SATB1: variants seen among roughly 807,000 people sequenced by gnomAD.
The protein encoded by SATB1 is SATB homeobox 1, also known as DNA-binding protein SATB1.
SATB1 carries 11 observed loss-of-function variants against 86.9 expected under a neutral mutation model. That is an observed-to-expected ratio of 0.13 (90% CI 0.08 to 0.21). The LOEUF (loss-of-function observed/expected upper bound fraction) is 0.21, where lower values mean the gene tolerates loss of function less well. SATB1 is among the 10% of genes least tolerant of loss of function. The pLI is 1.00. For synonymous variants in SATB1, 357 were observed against 357.2 expected, an observed-to-expected ratio of 1.00 and a Z score of 0.01; for missense variants, 551 against 937.6, an observed-to-expected ratio of 0.59 and a Z score of 5.39.
At position 18,444,896 on chromosome 3, in the gene SATB1, G is replaced by T. The variant is rs1699341684; in HGVS notation, c.-25+622C>A. The T allele has an allele frequency of 8.2e-6, 1 of 121,768 alleles. No individual in the cohort carries two copies. Among genetic ancestry groups the T allele is most frequent in the African/African-American group, 3.0e-5 (1 of 33,058 alleles). 7.5% of individuals were successfully genotyped at this position (121,768 alleles called of 1,614,324 possible). A position where few individuals can be genotyped will look rare whatever the true frequency, so the allele number is the denominator to read the frequency against. On this transcript the variant is annotated intron_variant, in intron 1 of 3. Coordinates refer to the SATB1 transcript ENST00000415069. This position sits in a 1 kb window ranked among gnomAD's most constrained non-coding sequence, Gnocchi z 5.1. Reference sequence around the variant, plus strand: ...GGAAGAGAAGGAGGGGGAGGGAGGAGATGTTAACGGGCGGGGGGGGGAGAA... The same window carrying T: ...GGAAGAGAAGGAGGGGGAGGGAGGATATGTTAACGGGCGGGGGGGGGAGAA...
intron 7 of SATB1, among the ~76,000 whole-genome samples, chr3:18,391,845 C>T (rs1320484710): frequency 2.6e-5 from 4 of 151,942 alleles, no homozygotes; most frequent in African/African-American, 9.7e-5. Flanking sequence ...CCAGTCATAC[C>T]AATGCATAAT....
In SATB1 at chr3:18,394,255, T is replaced by C. The variant is rs1361848741; in HGVS notation, c.1206+207A>G. ...TTCAAAGGCCCTGAATTGGGATCAA[T>C]CTGCACATAGGTTCCCTTGATTCAG... On this transcript the variant is annotated intron_variant, in intron 7 of 10. Transcript: ENST00000338745. This position sits in a 1 kb window ranked among gnomAD's most constrained non-coding sequence, Gnocchi z 5.9. Among the ~76,000 whole-genome samples, 2 of 152,188 alleles carry C rather than the reference T, an allele frequency of 1.3e-5. No homozygotes were observed. Among genetic ancestry groups the C allele is most frequent in the Non-Finnish European group, 1.5e-5 (1 of 68,030 alleles).
At chr3:18,443,583 C>T (rs186315834), upstream of SATB1, among the ~76,000 whole-genome samples, 1 of 152,320 alleles carries the variant, frequency 6.6e-6, no homozygotes, top group East Asian at 1.9e-4. The surrounding 1 kb of genome is among the most constrained non-coding windows in gnomAD (Gnocchi z 4.4). Context: ...TGCCCCTTTC[C>T]CCTGTTGGTC....
At chr3:18,432,199 G>A (rs186429937) in intron 2 of SATB1, among the ~76,000 whole-genome samples, 62 of 152,196 alleles carry the variant, frequency 4.1e-4, no homozygotes, top group African/African-American at 1.3e-3. Flanking sequence ...CCATGTCAAG[G>A]AGCCAACTGC....
chr3:18,405,668 A>G (rs952123218), intron 5 of SATB1, among the ~76,000 whole-genome samples: 1 of 151,948 alleles, frequency 6.6e-6, no homozygotes, highest in African/African-American at 2.4e-5. Flanking sequence ...TCTGGAAATT[A>G]CATAAAACCT....
In SATB1 at chr3:18,345,442, A is replaced by G. The variant is rs777769009; in HGVS notation, c.*3728T>C. The G allele has an allele frequency of 1.3e-5, 2 of 152,106 alleles. No homozygotes were observed. The highest frequency in any genetic ancestry group is 2.9e-5 in the Non-Finnish European group (2 of 67,944). The allele number at this position is 152,106 out of a possible 1,614,324, so 9.4% of individuals were successfully genotyped here. ...GTATTGTTAAACAGGTATAGTATTC[A>G]GGACATACACCTTCTACCACAATTT... On this transcript the variant is annotated 3_prime_UTR_variant, in exon 11 of 11. Transcript: ENST00000338745.
rs373536891 is a variant in SATB1, at chr3:18,362,881, A to AAAAAAAAAAAAAC, written c.1576-10687_1576-10686insGTTTTTTTTTTTT. Among the ~76,000 whole-genome samples the AAAAAAAAAAAAAC allele has an allele frequency of 7.5e-4, 81 of 108,178 alleles. 1 individual carries two copies. The highest frequency in any genetic ancestry group is 9.4e-4 in the Non-Finnish European group (50 of 53,458). 71.0% of individuals were successfully genotyped at this position (108,178 alleles called of 152,430 possible). On this transcript the variant is annotated intron_variant, in intron 9 of 10. Transcript: ENST00000338745. ...TGTGCAAAAAAAAAAAAAAAAAAAA[A>AAAAAAAAAAAAAC]CCAAAACCCCAAATAAATATAAGAA...
intron 8 of SATB1, among the ~76,000 whole-genome samples, chr3:18,385,788 T>C (rs1207444159): frequency 1.3e-5 from 2 of 152,142 alleles, no homozygotes; most frequent in African/African-American, 2.4e-5. Flanking sequence ...CAGATTCACA[T>C]ACCCAAAGTT....
At chr3:18,358,829 CCA>C (rs1694776827) in intron 9 of SATB1, among the ~76,000 whole-genome samples, 1 of 151,878 alleles carries the variant, frequency 6.6e-6, no homozygotes, top group African/African-American at 2.4e-5. Context: ...TCTAGAGGCT[CCA>C]GTTTATTTAA....
At chr3:18,376,417 C>A (rs1463642948) in intron 9 of SATB1, among the ~76,000 whole-genome samples, 2 of 151,652 alleles carry the variant, frequency 1.3e-5, no homozygotes, top group African/African-American at 4.8e-5. Context: ...TTTAGGGAAA[C>A]AGGCTTTTGT....
intron 2 of SATB1, among the ~76,000 whole-genome samples, chr3:18,419,228 G>C (rs73040338): frequency 1.3e-4 from 20 of 152,234 alleles, no homozygotes; most frequent in Non-Finnish European, 2.6e-4. Flanking sequence ...TCCCGTTTCT[G>C]GGAGTAATGC....
At position 18,444,059 on chromosome 3, in the gene SATB1, C is replaced by T. The variant is rs979866264; in HGVS notation, c.-25+1459G>A. Among the ~76,000 whole-genome samples, 5 of 152,100 alleles carry T rather than the reference C, an allele frequency of 3.3e-5. No homozygotes were observed. The highest frequency in any genetic ancestry group is 9.7e-5 in the African/African-American group (4 of 41,410). ...CTTCGCCGATGCTTACAATCAGCCG[C>T]GCAGGCAGGGAGCGGAGGGAGGCGG... is the stretch of plus-strand genomic sequence containing the variant. On this transcript the variant is annotated intron_variant, in intron 1 of 3. Transcript: ENST00000415069. This position sits in a 1 kb window ranked among gnomAD's most constrained non-coding sequence, Gnocchi z 5.1.
Position 18,352,484 on chromosome 3 carries a change from TAGG to T in SATB1, c.1576-292_1576-290del. On this transcript the variant is annotated intron_variant, in intron 9 of 10. Transcript: ENST00000338745. The surrounding 1 kb of genome is among the most constrained non-coding windows in gnomAD (Gnocchi z 4.1). ...ATCACAGATTTTTTAATATATGAAA[TAGG>T]AGAAAAACAAAGTTGATGTGCTTCA... The T allele has an allele frequency of 3.0e-6, 1 of 328,592 alleles. No homozygotes were observed. 20.4% of individuals were successfully genotyped at this position (328,592 alleles called of 1,614,324 possible).
chr3:18,404,954 T>G (rs750666885), intron 5 of SATB1, among the ~76,000 whole-genome samples: 6 of 151,956 alleles, frequency 3.9e-5, no homozygotes, highest in Non-Finnish European at 7.4e-5. Context: ...CTAACAGATT[T>G]AAAAGTCTAT....
chr3:18,350,187 G>C (rs1192385133), intron 10 of SATB1: 2 of 155,902 alleles, frequency 1.3e-5, no homozygotes, highest in African/African-American at 4.8e-5. Context: ...CTCTTATTCA[G>C]TGTTATCTGT....
intron 6 of SATB1, among the ~76,000 whole-genome samples, chr3:18,396,193 A>G (rs1696956824): frequency 1.3e-5 from 2 of 152,332 alleles, no homozygotes; most frequent in South Asian, 2.1e-4. Flanking sequence ...TAAGCTATAA[A>G]AGGCAAAGAA....
intron 9 of SATB1, among the ~76,000 whole-genome samples, chr3:18,359,474 T>C (rs1694804775): frequency 6.6e-6 from 1 of 151,950 alleles, no homozygotes; most frequent in South Asian, 2.1e-4. Context: ...AAATAGAGAA[T>C]TTCCCCAAAA....
chr3:18,348,964 T>C lies in SATB1; in HGVS notation c.*206A>G, dbSNP rs552117708. ...ACCAAACAATCCTTGATGCTTCACC[T>C]GGGGCTGCCAAGCAGTTTGTAAAAC... On this transcript the variant is annotated 3_prime_UTR_variant, in exon 11 of 11. Coordinates refer to ENST00000338745, the MANE Select transcript of SATB1 (RefSeq NM_002971.6). The C allele has an allele frequency of 1.8e-5, 14 of 779,772 alleles. No homozygotes were observed. The highest frequency in any genetic ancestry group is 3.1e-5 in the Admixed American group (1 of 32,066). The allele number at this position is 779,772 out of a possible 1,614,324, so 48.3% of individuals were successfully genotyped here.
upstream of SATB1, among the ~76,000 whole-genome samples, chr3:18,430,055 T>C (rs1381574539): frequency 6.6e-6 from 1 of 152,220 alleles, no homozygotes; most frequent in South Asian, 2.1e-4. Context: ...AAATTTGAAT[T>C]AATTTAAATG....
Sources: gnomAD v4.1 joint callset for allele counts (sites outside exome capture counted in the v4.1 genomes callset) on GRCh38, gnomAD v4.1.1 for gene constraint, Gnocchi (gnomAD v3.1) non-coding constraint, MANE v1.5 for transcripts, NCBI Gene and HGNC (gene_info 2026-07-23, HGNC 2026-07-21) for gene names.